TOX2: variants seen among roughly 807,000 people sequenced by gnomAD.
The protein encoded by TOX2 is TOX high mobility group box family member 2.
A neutral mutation model predicts 47.4 loss-of-function variants in TOX2; 15 were observed. That is an observed-to-expected ratio of 0.32 (90% CI 0.21 to 0.49). The LOEUF is 0.49. Among genes scored for constraint, TOX2 ranks in the 20% least tolerant of loss-of-function variants. The probability of loss-of-function intolerance (pLI) is 0.99; values close to 1 mark genes in which losing one functional copy is unlikely to be tolerated. For synonymous variants in TOX2, 290 were observed against 296.6 expected (o/e 0.98, Z 0.23); for missense variants, 622 against 673.1 (o/e 0.92, Z 0.84).
intron 2 of TOX2, among the ~76,000 whole-genome samples, chr20:43,992,268 CAA>C (rs2070381455): frequency 1.3e-5 from 2 of 152,118 alleles, no homozygotes; most frequent in Non-Finnish European, 2.9e-5. Context: ...CTGGGATGGT[CAA>C]GAGCAGCTCC....
At chr20:43,987,364 G>C (rs73120103) in intron 2 of TOX2, among the ~76,000 whole-genome samples, 12,825 of 152,234 alleles carry the variant, frequency 0.084, 734 homozygotes, top group Middle Eastern at 0.25. Flanking sequence ...TACCCTAGAG[G>C]GGGGTGGGGA....
chr20:43,927,750 T>C (rs891791260), intron 1 of TOX2, among the ~76,000 whole-genome samples: 2 of 143,148 alleles, frequency 1.4e-5, no homozygotes, highest in African/African-American at 2.6e-5. Context: ...CTTCCTTCCC[T>C]CCTTCCTTCC....
At chr20:43,965,050 G>A (rs1290002216) in intron 1 of TOX2, among the ~76,000 whole-genome samples, 1 of 152,194 alleles carries the variant, frequency 6.6e-6, no homozygotes, top group Non-Finnish European at 1.5e-5. Context: ...AAAGCAAGAA[G>A]CTGAATTCAT....
At chr20:44,021,773 C>T (rs1307665058) in intron 3 of TOX2, among the ~76,000 whole-genome samples, 1 of 151,548 alleles carries the variant, frequency 6.6e-6, no homozygotes, top group Non-Finnish European at 1.5e-5. Flanking sequence ...GGATCACAGA[C>T]ACACACCACC....
intron 3 of TOX2, among the ~76,000 whole-genome samples, chr20:44,022,884 A>G (rs1420617222): frequency 6.6e-6 from 1 of 152,152 alleles, no homozygotes; most frequent in Non-Finnish European, 1.5e-5. Flanking sequence ...GTTTCTATCA[A>G]ACAGGTACAA....
rs1555837275 is a variant in TOX2, at chr20:43,994,459, C to CAAAAAAA, written c.166-12079_166-12073dup. On this transcript the variant is annotated intron_variant, in intron 2 of 8. Coordinates refer to ENST00000341197, the MANE Select transcript of TOX2 (RefSeq NM_001098797.2). ...GGGTGACAGAGCCAGACCCTGTCTCCAAAAAAAAAAAAAAAGACTACCACT... is the reference window on the plus strand; with the variant it reads ...GGGTGACAGAGCCAGACCCTGTCTCCAAAAAAAAAAAAAAAAAAAAAAGACTACCACT... Among the ~76,000 whole-genome samples, 202 of 127,798 alleles carry CAAAAAAA rather than the reference C, an allele frequency of 1.6e-3. 2 individuals carry two copies. The highest frequency in any genetic ancestry group is 2.3e-3 in the Non-Finnish European group (138 of 59,910). 83.8% of individuals were successfully genotyped at this position (127,798 alleles called of 152,430 possible).
At chr20:44,033,012 C>T (rs780072657) in intron 3 of TOX2, among the ~76,000 whole-genome samples, 25 of 152,122 alleles carry the variant, frequency 1.6e-4, no homozygotes, top group Admixed American at 1.0e-3. Context: ...TTATTATAGT[C>T]GTTTGTTTCA....
intron 1 of TOX2, among the ~76,000 whole-genome samples, chr20:43,971,201 T>A (rs1045992881): frequency 6.6e-6 from 1 of 152,184 alleles, no homozygotes; most frequent in African/African-American, 2.4e-5. Flanking sequence ...GGCACTGTTC[T>A]AGGAGCTTGG....
At position 44,010,882 on chromosome 20, in the gene TOX2, C is replaced by A. The variant is rs116665379; in HGVS notation, c.411+4090C>A. Among the ~76,000 whole-genome samples, 1,258 of 152,262 alleles carry A rather than the reference C, an allele frequency of 8.3e-3. 22 individuals are homozygous for A. Among genetic ancestry groups the A allele is most frequent in the African/African-American group, 0.028 (1,183 of 41,528 alleles). ...AACAGAGATTTATTCTATCACACCTCCAGAAGTCCAGAAGCAGTCTCCTTG... is the reference window on the plus strand; with the variant it reads ...AACAGAGATTTATTCTATCACACCTACAGAAGTCCAGAAGCAGTCTCCTTG... On this transcript the variant is annotated intron_variant, in intron 3 of 8. Transcript: ENST00000341197.
At chr20:44,026,117 A>G (rs1383703172) in intron 3 of TOX2, among the ~76,000 whole-genome samples, 2 of 151,524 alleles carry the variant, frequency 1.3e-5, no homozygotes, top group Non-Finnish European at 2.9e-5. Context: ...CATTGCCCAA[A>G]AGGGGCTGGG....
chr20:44,017,536 A>G (rs979748432), intron 3 of TOX2, among the ~76,000 whole-genome samples: 3 of 152,178 alleles, frequency 2.0e-5, no homozygotes, highest in Admixed American at 2.0e-4. Flanking sequence ...GCTCATGCCC[A>G]TGGGGCCAGA....
chr20:44,057,997 G>A (rs1178008268), intron 5 of TOX2, among the ~76,000 whole-genome samples: 1 of 146,102 alleles, frequency 6.8e-6, no homozygotes, highest in Non-Finnish European at 1.5e-5. Context: ...AAAATGGCAG[G>A]AAGGAGGCAG....
At chr20:43,978,306 C>T (rs1189967979) in intron 2 of TOX2, among the ~76,000 whole-genome samples, 1 of 152,096 alleles carries the variant, frequency 6.6e-6, no homozygotes, top group Non-Finnish European at 1.5e-5. Context: ...AGACTCCAGC[C>T]ACCAAGGCCA....
intron 2 of TOX2, 81 bp from the exon 3 acceptor site, chr20:44,006,466 G>A: frequency 6.6e-7 from 1 of 1,526,630 alleles, no homozygotes; most frequent in Non-Finnish European, 8.8e-7. Flanking sequence ...CGTTATTATT[G>A]TTGCTGTTAT....
chr20:43,942,014 T>A (rs1343510596), intron 1 of TOX2, among the ~76,000 whole-genome samples: 2 of 152,140 alleles, frequency 1.3e-5, no homozygotes, highest in Non-Finnish European at 2.9e-5. Flanking sequence ...CTGACCCTCA[T>A]CAATAAGAAG....
At chr20:43,938,120 C>T (rs6130485) in intron 1 of TOX2, among the ~76,000 whole-genome samples, 9,275 of 152,276 alleles carry the variant, frequency 0.061, 555 homozygotes, top group African/African-American at 0.15. Context: ...ACCCCAGTGA[C>T]TGCACGGTGG....
chr20:43,943,619 G>A (rs1454051397), intron 1 of TOX2, among the ~76,000 whole-genome samples: 1 of 152,144 alleles, frequency 6.6e-6, no homozygotes. Context: ...TATGACCTAT[G>A]TGAAGTAGGG....
chr20:43,940,483 C>A (rs1309116681), intron 1 of TOX2, among the ~76,000 whole-genome samples: 2 of 151,716 alleles, frequency 1.3e-5, no homozygotes, highest in Non-Finnish European at 2.9e-5. Flanking sequence ...CTCGGCCTCA[C>A]AAATTGCTGG....
chr20:43,964,845 T>G (rs2069822955), intron 1 of TOX2, among the ~76,000 whole-genome samples: 1 of 152,178 alleles, frequency 6.6e-6, no homozygotes, highest in African/African-American at 2.4e-5. Flanking sequence ...TGGCCAGTGC[T>G]CACAGCAGCC....
Sources: gnomAD v4.1 joint callset for allele counts (sites outside exome capture counted in the v4.1 genomes callset) on GRCh38, gnomAD v4.1.1 for gene constraint, MANE v1.5 for transcripts, NCBI Gene and HGNC (gene_info 2026-07-23, HGNC 2026-07-21) for gene names.